Variants in ZNF528 observed in about 807,000 individuals in gnomAD.
ZNF528 encodes the protein zinc finger protein 528.
A neutral mutation model predicts 13.3 loss-of-function variants in ZNF528; 9 were observed. That is an observed-to-expected ratio of 0.67 (90% confidence interval 0.41 to 1.18). ZNF528 has a LOEUF of 1.18. Among genes scored for constraint, ZNF528 ranks in the 50% most tolerant of loss-of-function variants. The probability of loss-of-function intolerance (pLI) is 0.01; values close to 1 mark genes in which losing one functional copy is unlikely to be tolerated. For missense variants in ZNF528, 858 were observed against 745.4 expected, an observed-to-expected ratio of 1.15 and a Z score of -1.76; for synonymous variants, 264 against 254.3, an observed-to-expected ratio of 1.04 and a Z score of -0.36.
chr19:52,408,055 TAGGTACAC>T (rs901259127), intron 6 of ZNF528, among the ~76,000 whole-genome samples: 18 of 152,158 alleles, frequency 1.2e-4, no homozygotes, highest in African/African-American at 4.3e-4. Flanking sequence ...TATCTTTGAT[TAGGTACAC>T]AAAGCTCTGC....
At chr19:52,400,264 A>G (rs893691557) in intron 2 of ZNF528, among the ~76,000 whole-genome samples, 3 of 145,938 alleles carry the variant, frequency 2.1e-5, no homozygotes, top group Admixed American at 6.9e-5. Context: ...ACACACACAC[A>G]CGCCTTTATT....
Position 52,402,169 on chromosome 19 carries a change from A to G in ZNF528, c.15+141A>G, listed in dbSNP as rs935017067. 21 of 1,223,178 alleles carry G rather than the reference A, an allele frequency of 1.7e-5. No homozygotes were observed. The Admixed American group carries it at 4.4e-4, about 26-fold the overall frequency. The allele number at this position is 1,223,178 out of a possible 1,614,324, so 75.8% of individuals were successfully genotyped here. A position where few individuals can be genotyped will look rare whatever the true frequency, so the allele number is the denominator to read the frequency against. Reference sequence around the variant, plus strand: ...ACCCATGGCTTCTTCCAGTCCCTTCATTTCCGCTTGAGATTTCAGTTCACT... The same window carrying G: ...ACCCATGGCTTCTTCCAGTCCCTTCGTTTCCGCTTGAGATTTCAGTTCACT... On this transcript the variant is annotated intron_variant, in intron 4 of 6. Coordinates refer to ENST00000360465, the MANE Select transcript of ZNF528 (RefSeq NM_032423.3).
chr19:52,407,775 CA>C (rs997269008), intron 6 of ZNF528, among the ~76,000 whole-genome samples: 1 of 151,378 alleles, frequency 6.6e-6, no homozygotes, highest in Non-Finnish European at 1.5e-5. Context: ...GACCCTGTCT[CA>C]AAAAAAATAA....
At position 52,416,539 on chromosome 19, in the gene ZNF528, G is replaced by T. The variant is rs750446187; in HGVS notation, c.1687G>T (p.Gly563Cys). Reference protein sequence around the residue: ...KCGKAFRGCSGLTAHLAIHTE... With the variant: ...KCGKAFRGCSCLTAHLAIHTE... ...TGGCAAAGCATTTCGAGGGTGTTCAGGCCTTACTGCCCATCTTGCAATCCA... is the reference window on the plus strand; with the variant it reads ...TGGCAAAGCATTTCGAGGGTGTTCATGCCTTACTGCCCATCTTGCAATCCA... The change falls in exon 7 of 7, where the codon GGC (glycine) becomes TGC (cysteine). Residue 563 changes from glycine (G) to cysteine (C), a missense_variant. Physicochemically the swap from Gly to Cys is radical, Grantham distance 159. Transcript: ENST00000360465. The T allele has an allele frequency of 3.7e-6, 6 of 1,614,140 alleles. No individual in the cohort carries two copies. The highest frequency in any genetic ancestry group is 5.1e-6 in the Non-Finnish European group (6 of 1,180,028).
chr19:52,402,038 T>C lies in ZNF528; in HGVS notation c.15+10T>C. 6.2e-7 allele frequency: 1 copy of C among 1,614,134 alleles called. No individual in the cohort carries two copies. On this transcript the variant is annotated intron_variant, in intron 4 of 6. Transcript: ENST00000360465. ...AATGGCCCTTACTCAGGTAAGGTAATGTTCTCAGTGGATTGTTCTGTCTCT... is the reference window on the plus strand; with the variant it reads ...AATGGCCCTTACTCAGGTAAGGTAACGTTCTCAGTGGATTGTTCTGTCTCT...
rs1167751139 is a variant in ZNF528 at position 52,406,456 on chromosome 19, T to A, written c.143-59T>A. The A allele has an allele frequency of 3.8e-6, 6 of 1,574,646 alleles. No individual in the cohort carries two copies. The African/African-American group carries it at 5.5e-5, about 14-fold the overall frequency. ...TATAATATCCTCTCTCCTCCCTAAA[T>A]ACAGGGCTTGGACTTGGGAGATGCC... On this transcript the variant is annotated intron_variant, in intron 5 of 6. Coordinates refer to ENST00000360465, the MANE Select transcript of ZNF528 (RefSeq NM_032423.3).
At chr19:52,404,884 C>A (rs991199121) in intron 4 of ZNF528, among the ~76,000 whole-genome samples, 1 of 151,616 alleles carries the variant, frequency 6.6e-6, no homozygotes, top group Non-Finnish European at 1.5e-5. Context: ...CAAGCATGAG[C>A]CACCACACCT....
chr19:52,401,434 T>C (rs1235662038), intron 2 of ZNF528, among the ~76,000 whole-genome samples: 1 of 152,196 alleles, frequency 6.6e-6, no homozygotes, highest in Non-Finnish European at 1.5e-5. Flanking sequence ...ATAGATTGTT[T>C]CAAAATTTCT....
rs996579334 is a variant in ZNF528, at chr19:52,416,665, T to C, written c.1813T>C (p.Tyr605His). ...TAGAATTCACATTGGAGAGAAACCTTACAAATGCACCCTGTGCAGTAAGGT... is the reference window on the plus strand; with the variant it reads ...TAGAATTCACATTGGAGAGAAACCTCACAAATGCACCCTGTGCAGTAAGGT... ...HHRIHIGEKP[Y>H]KCTLCSKVFS... Residue 605 changes from tyrosine (Y) to histidine (H), a missense_variant, in exon 7 of 7, where the codon TAC (tyrosine) becomes CAC (histidine). Transcript: ENST00000360465. 3 of 1,613,946 alleles carry C rather than the reference T, an allele frequency of 1.9e-6. No individual in the cohort carries two copies. In the African/African-American group the frequency reaches 4.0e-5, roughly 22 times the overall value.
Position 52,415,212 on chromosome 19 carries a change from A to G in ZNF528, c.360A>G (p.Leu120=). The change falls in exon 7 of 7, where the codon CTA becomes CTG. Residue 120 remains leucine (L), a synonymous_variant. Coordinates refer to ENST00000360465, the MANE Select transcript of ZNF528 (RefSeq NM_032423.3). ...GFTFQLHLSD[L]QLFQAERKIS... is the part of the protein sequence containing the mutation. ...CTTTTCAGTTACATCTGAGTGATCT[A>G]CAGCTATTTCAAGCTGAAAGGAAAA... is the stretch of plus-strand genomic sequence containing the variant. 6.2e-7 allele frequency: 1 copy of G among 1,614,118 alleles called. No homozygotes were observed. The highest frequency in any genetic ancestry group is 8.5e-7 in the Non-Finnish European group (1 of 1,180,010).
chr19:52,405,171 C>T (rs1174905003), intron 4 of ZNF528, among the ~76,000 whole-genome samples: 1 of 149,510 alleles, frequency 6.7e-6, no homozygotes, highest in Non-Finnish European at 1.5e-5. Context: ...GAGCCAATAT[C>T]ACACCATTGC....
intron 4 of ZNF528, chr19:52,402,557 C>A: frequency 6.5e-6 from 1 of 154,832 alleles, no homozygotes; most frequent in Non-Finnish European, 1.4e-5. Context: ...TATGCACCAC[C>A]ACTCTAATCT....
In ZNF528 at chr19:52,415,322, CCCA is replaced by C; in HGVS notation, c.473_475del (p.His158del). The C allele has an allele frequency of 6.2e-7, 1 of 1,612,258 alleles. No individual in the cohort carries two copies. On this transcript the variant is annotated inframe_deletion, in exon 7 of 7. Coordinates refer to ENST00000360465, the MANE Select transcript of ZNF528 (RefSeq NM_032423.3). ...GAAAAAATTTCTTCCAGTGTCAAAT[CCCA>C]CCTTTTAAATAAATATAGAAATAAT...
Position 52,416,322 on chromosome 19 carries a change from G to C in ZNF528, c.1470G>C (p.Glu490Asp). Residue 490 changes from glutamate (E) to aspartate (D), a missense_variant, in exon 7 of 7, where the codon GAG becomes GAC. Physicochemically the swap from Glu to Asp is conservative, Grantham distance 45. Coordinates refer to ENST00000360465, the MANE Select transcript of ZNF528 (RefSeq NM_032423.3). ...GTCATCATAGAATTCATACTGGAGA[G>C]AAGCCTTACAAATGTAACAGATGTG... ...LTSHHRIHTG[E>D]KPYKCNRCGK... is the part of the protein sequence containing the mutation. 3 of 1,614,110 alleles carry C rather than the reference G, an allele frequency of 1.9e-6. No individual in the cohort carries two copies. Among genetic ancestry groups the C allele is most frequent in the Non-Finnish European group, 2.5e-6 (3 of 1,179,988 alleles).
intron 6 of ZNF528, among the ~76,000 whole-genome samples, chr19:52,410,973 CCT>C (rs1193912152): frequency 6.6e-6 from 1 of 152,184 alleles, no homozygotes; most frequent in Non-Finnish European, 1.5e-5. Flanking sequence ...GCCGTACACT[CCT>C]CTCCGTAACA....
chr19:52,405,052 C>A (rs981807857), intron 4 of ZNF528, among the ~76,000 whole-genome samples: 2 of 151,562 alleles, frequency 1.3e-5, no homozygotes, highest in African/African-American at 4.8e-5. Context: ...CCCGTCTCTA[C>A]TAAAAATACA....
At chr19:52,404,302 G>T (rs546881817) in intron 4 of ZNF528, among the ~76,000 whole-genome samples, 3 of 151,296 alleles carry the variant, frequency 2.0e-5, no homozygotes, top group African/African-American at 7.3e-5. Context: ...ATCTTGGCTC[G>T]CTGCAACCTC....
chr19:52,401,668 T>C lies in ZNF528; in HGVS notation c.-136-17T>C. On this transcript the variant is annotated splice_polypyrimidine_tract_variant and intron_variant, in intron 2 of 6. Coordinates refer to ENST00000360465, the MANE Select transcript of ZNF528 (RefSeq NM_032423.3). ...ATTACCACATGAAGAATTGCTTTTT[T>C]TTTTTTTTTTTTTTAGGTTCACAAA... 7.9e-7 allele frequency: 1 copy of C among 1,271,284 alleles called. No homozygotes were observed. The highest frequency in any genetic ancestry group is 1.0e-6 in the Non-Finnish European group (1 of 987,470). The allele number at this position is 1,271,284 out of a possible 1,614,324, so 78.8% of individuals were successfully genotyped here.
intron 6 of ZNF528, chr19:52,413,474 A>G (rs2058957754): frequency 6.6e-6 from 1 of 152,234 alleles, no homozygotes; most frequent in South Asian, 2.1e-4. Flanking sequence ...CTCGTTTGTA[A>G]TTCCTTCAAC....
Sources: allele counts gnomAD v4.1 joint callset (sites outside exome capture counted in the v4.1 genomes callset), GRCh38; gene constraint gnomAD v4.1.1; transcripts MANE v1.5; gene names NCBI Gene and HGNC (gene_info 2026-07-23, HGNC 2026-07-21).